The following PRICKLE2 variants were observed in gnomAD, a reference collection of about 807,000 sequenced individuals.
PRICKLE2 encodes prickle-like protein 2.
In PRICKLE2, 21 loss-of-function variants were observed where a neutral mutation model predicts 81.4. The ratio of observed to expected loss-of-function variants is 0.26; its 90% confidence interval spans 0.18 to 0.37. The LOEUF (loss-of-function observed/expected upper bound fraction) is 0.37, where lower values mean the gene tolerates loss of function less well. Among genes scored for constraint, PRICKLE2 ranks in the 10% least tolerant of loss-of-function variants. The probability of loss-of-function intolerance (pLI) is 1.00; values close to 1 mark genes in which losing one functional copy is unlikely to be tolerated. For missense variants in PRICKLE2, 940 were observed against 1,109.0 expected (o/e 0.85, Z 2.16); for synonymous variants, 456 against 421.5 (o/e 1.08, Z -1.00).
intron 7 of PRICKLE2, among the ~76,000 whole-genome samples, chr3:64,136,655 A>G (rs1226968598): frequency 6.6e-6 from 1 of 152,024 alleles, no homozygotes; most frequent in African/African-American, 2.4e-5. Flanking sequence ...GAGGTTAAGG[A>G]AGGTGATGGT....
At chr3:64,199,517 T>A (rs1034507159) in intron 1 of PRICKLE2, 1 of 155,456 alleles carries the variant, frequency 6.4e-6, no homozygotes, top group South Asian at 2.0e-4. Flanking sequence ...ATGAAACGTA[T>A]CTGGCCCTAA....
chr3:64,260,975 C>G (rs187380640), intron 2 of PRICKLE2, among the ~76,000 whole-genome samples: 1 of 152,270 alleles, frequency 6.6e-6, no homozygotes, highest in African/African-American at 2.4e-5. Flanking sequence ...ACTTCCTAGG[C>G]AGGAGAGTTC....
At chr3:64,263,419 A>G (rs948807509) in intron 2 of PRICKLE2, among the ~76,000 whole-genome samples, 2 of 152,196 alleles carry the variant, frequency 1.3e-5, no homozygotes, top group Non-Finnish European at 2.9e-5. Flanking sequence ...TGCCCCAAAG[A>G]CTAGGAGAAA....
intron 7 of PRICKLE2, among the ~76,000 whole-genome samples, chr3:64,119,779 T>C (rs941850224): frequency 6.6e-6 from 1 of 152,168 alleles, no homozygotes; most frequent in African/African-American, 2.4e-5. Flanking sequence ...CAGCACTGTT[T>C]ACAATAGCAA....
intron 7 of PRICKLE2, among the ~76,000 whole-genome samples, chr3:64,140,270 T>C (rs1296529135): frequency 6.6e-6 from 1 of 152,346 alleles, no homozygotes; most frequent in African/African-American, 2.4e-5. Flanking sequence ...AGTTTCCAGC[T>C]CTGGCATACT....
At chr3:64,208,182 A>G (rs962857337) in intron 1 of PRICKLE2, among the ~76,000 whole-genome samples, 4 of 152,204 alleles carry the variant, frequency 2.6e-5, no homozygotes, top group Non-Finnish European at 5.9e-5. Context: ...ATGAAAGGAC[A>G]GTGGCTGTTG....
intron 1 of PRICKLE2, among the ~76,000 whole-genome samples, chr3:64,209,127 CCATA>C (rs1251863920): frequency 2.0e-5 from 3 of 149,312 alleles, no homozygotes; most frequent in African/African-American, 7.4e-5. Context: ...TCATTCATAT[CCATA>C]CATACATACA....
At chr3:64,150,710 T>G (rs2077531455) in intron 6 of PRICKLE2, among the ~76,000 whole-genome samples, 1 of 152,198 alleles carries the variant, frequency 6.6e-6, no homozygotes. Context: ...CCCTCTGGTC[T>G]GTCTGCCACC....
chr3:64,170,657 C>T (rs187259), intron 2 of PRICKLE2, among the ~76,000 whole-genome samples: 1 of 147,520 alleles, frequency 6.8e-6, no homozygotes, highest in African/African-American at 2.5e-5. Flanking sequence ...CCCAGGAGTT[C>T]GAGACTGGCC....
At chr3:64,212,453 C>T (rs1041689040) in intron 1 of PRICKLE2, among the ~76,000 whole-genome samples, 1 of 152,182 alleles carries the variant, frequency 6.6e-6, no homozygotes, top group Non-Finnish European at 1.5e-5. Context: ...CATCTCCAAA[C>T]TTCAAGGCAA....
intron 7 of PRICKLE2, among the ~76,000 whole-genome samples, chr3:64,107,829 A>G (rs1482088171): frequency 1.3e-5 from 2 of 152,254 alleles, no homozygotes; most frequent in South Asian, 2.1e-4. Flanking sequence ...TTTTTTAAGC[A>G]TTCATATTTC....
At chr3:64,196,673 G>C (rs1313108666) in intron 2 of PRICKLE2, among the ~76,000 whole-genome samples, 1 of 152,088 alleles carries the variant, frequency 6.6e-6, no homozygotes, top group Non-Finnish European at 1.5e-5. Flanking sequence ...TATTTTCTGG[G>C]AGTGTTTCTA....
At chr3:64,133,591 G>C (rs2077231205) in intron 7 of PRICKLE2, among the ~76,000 whole-genome samples, 1 of 152,252 alleles carries the variant, frequency 6.6e-6, no homozygotes, top group African/African-American at 2.4e-5. Flanking sequence ...TACTGGGGTG[G>C]GGGGCCAGGG....
At chr3:64,163,264 C>A in intron 2 of PRICKLE2, 135 bp from the exon 3 acceptor site, 1 of 729,082 alleles carries the variant, frequency 1.4e-6, no homozygotes, top group South Asian at 1.4e-5. Flanking sequence ...AAGTCAACAG[C>A]AGATGAGTTT....
chr3:64,237,800 T>C (rs954851664), intron 2 of PRICKLE2, among the ~76,000 whole-genome samples: 1 of 152,112 alleles, frequency 6.6e-6, no homozygotes, highest in African/African-American at 2.4e-5. Context: ...GAAGGTAAAT[T>C]CTGTGGGATG....
intron 2 of PRICKLE2, 192 bp downstream of exon 2, chr3:64,198,592 G>A (rs1189569807): frequency 4.6e-6 from 3 of 658,276 alleles, no homozygotes; most frequent in African/African-American, 1.8e-5. Context: ...AATTAGCAAT[G>A]GATCACTCCT....
At chr3:64,111,568 C>T (rs1200005421) in intron 7 of PRICKLE2, among the ~76,000 whole-genome samples, 1 of 152,228 alleles carries the variant, frequency 6.6e-6, no homozygotes, top group African/African-American at 2.4e-5. Flanking sequence ...GCAATGAAAA[C>T]AGTCCTTTTT....
chr3:64,186,453 G>A (rs1236466837), intron 2 of PRICKLE2, among the ~76,000 whole-genome samples: 29 of 152,192 alleles, frequency 1.9e-4, no homozygotes, highest in Admixed American at 1.9e-3. Flanking sequence ...AGCCCAGAAG[G>A]ATAGTTACTC....
chr3:64,156,020 A>T (rs1311176967), intron 5 of PRICKLE2, among the ~76,000 whole-genome samples: 2 of 152,220 alleles, frequency 1.3e-5, no homozygotes, highest in African/African-American at 4.8e-5. Context: ...TGCTATGCAA[A>T]TTATATCTCA....
Sources: allele counts gnomAD v4.1 joint callset (sites outside exome capture counted in the v4.1 genomes callset), GRCh38; gene constraint gnomAD v4.1.1; transcripts MANE v1.5; gene names NCBI Gene and HGNC (gene_info 2026-07-23, HGNC 2026-07-21).